Variants in SH2D3C observed in about 807,000 individuals in gnomAD.
The protein encoded by SH2D3C is SH2 domain containing 3C, also known as SH2 domain-containing protein 3C.
In SH2D3C, 25 loss-of-function variants were observed where a neutral mutation model predicts 75.2. The observed-to-expected ratio is 0.33, with a 90% CI of 0.24 to 0.46. The LOEUF (loss-of-function observed/expected upper bound fraction) is 0.46. Ranked by LOEUF, SH2D3C falls within the 20% of genes least tolerant of loss-of-function variation. The pLI, the probability that SH2D3C is intolerant of heterozygous loss-of-function variation, is 1.00. For synonymous variants in SH2D3C, 450 were observed against 473.7 expected (o/e 0.95, Z 0.65); for missense variants, 933 against 1,165.3 (o/e 0.80, Z 2.90).
In SH2D3C at chr9:127,751,657, G is replaced by A. The variant is rs749992967; in HGVS notation, c.556-357C>T. 1.3e-4 allele frequency among the ~76,000 whole-genome samples: 20 copies of A among 152,230 alleles called. No homozygotes were observed. The highest frequency in any genetic ancestry group is 2.4e-4 in the Non-Finnish European group (16 of 68,050). ...GCGCTGGACAGCGGCAAAGAGCCGG[G>A]TGGCTTTTACAAGCGGGATTAAGCC... On this transcript the variant is annotated intron_variant, in intron 3 of 11. Coordinates refer to ENST00000314830, the MANE Select transcript of SH2D3C (RefSeq NM_170600.3). This position sits in a 1 kb window ranked among gnomAD's most constrained non-coding sequence, Gnocchi z 4.1.
At position 127,741,095 on chromosome 9, in the gene SH2D3C, G is replaced by C. The variant is rs781153721; in HGVS notation, c.2088+693C>G. On this transcript the variant is annotated intron_variant, in intron 9 of 11. Coordinates refer to ENST00000314830, the MANE Select transcript of SH2D3C (RefSeq NM_170600.3). Reference sequence around the variant, plus strand: ...TATGACCTTAGGCAAGGACTGCTCTGTCTCAAACACTCCATTTGTAAAATG... The same window carrying C: ...TATGACCTTAGGCAAGGACTGCTCTCTCTCAAACACTCCATTTGTAAAATG... Among the ~76,000 whole-genome samples, 30 of 152,176 alleles carry C rather than the reference G, an allele frequency of 2.0e-4. 2 individuals are homozygous for C. Among genetic ancestry groups the C allele is most frequent in the Non-Finnish European group, 7.3e-5 (5 of 68,040 alleles).
rs900635760 is a variant in SH2D3C at position 127,762,111 on chromosome 9, G to A, written c.516-461C>T. On this transcript the variant is annotated intron_variant, in intron 2 of 11. Coordinates refer to ENST00000314830, the MANE Select transcript of SH2D3C (RefSeq NM_170600.3). ...GAGGGCCCCAAGTGGGGATCAGCCC[G>A]TCCTCTTACCCTGCACTCACTTCCT... 9.2e-5 allele frequency: 81 copies of A among 875,744 alleles called. No homozygotes were observed. The African/African-American group carries it at 1.4e-3, about 15-fold the overall frequency. 54.2% of individuals were successfully genotyped at this position (875,744 alleles called of 1,614,324 possible). A position where few individuals can be genotyped will look rare whatever the true frequency, so the allele number is the denominator to read the frequency against.
At chr9:127,762,416 T>C (rs1259902234) in intron 2 of SH2D3C, 8 of 844,272 alleles carry the variant, frequency 9.5e-6, no homozygotes, top group Non-Finnish European at 1.2e-5. Context: ...CCCTTGGATA[T>C]CTGAAGGCCA....
Position 127,778,663 on chromosome 9 carries a change from G to T in SH2D3C, c.-36C>A. The stretch of plus-strand genomic sequence containing the variant: ...TGTGTGAAGCCCTTGGCCAGCTTGC[G>T]AGTGGCCACTCAAGGCTCGGGACAT... On this transcript the variant is annotated 5_prime_UTR_variant, in exon 1 of 12. Transcript: ENST00000314830. The T allele has an allele frequency of 6.3e-7, 1 of 1,592,714 alleles. No individual in the cohort carries two copies. Among genetic ancestry groups the T allele is most frequent in the Non-Finnish European group, 8.6e-7 (1 of 1,160,618 alleles).
At position 127,762,488 on chromosome 9, in the gene SH2D3C, C is replaced by T. The variant is rs767822941; in HGVS notation, c.516-838G>A. On this transcript the variant is annotated intron_variant, in intron 2 of 11. Coordinates refer to ENST00000314830, the MANE Select transcript of SH2D3C (RefSeq NM_170600.3). ...CTCCCTGCCCCCTCCCCATCTTCCC[C>T]GTCTCAGCTGATGTCAGTTTCCTCT... The T allele has an allele frequency of 1.2e-5, 6 of 481,242 alleles. 1 individual carries two copies. Among genetic ancestry groups the T allele is most frequent in the East Asian group, 1.4e-4 (2 of 14,276 alleles). The allele number at this position is 481,242 out of a possible 1,614,324, so 29.8% of individuals were successfully genotyped here.
chr9:127,766,861 G>T, intron 2 of SH2D3C: 1 of 1,420,220 alleles, frequency 7.0e-7, no homozygotes, highest in Non-Finnish European at 9.5e-7. Context: ...TGAGCCCTGT[G>T]CCCAGCTTCT....
intron 2 of SH2D3C, among the ~76,000 whole-genome samples, chr9:127,772,124 G>A (rs1845748153): frequency 6.6e-6 from 1 of 152,006 alleles, no homozygotes; most frequent in Non-Finnish European, 1.5e-5. Context: ...ACAGCTCAGA[G>A]ACAGAGGCTG....
chr9:127,742,031 C>T (rs1844874225), intron 8 of SH2D3C, 72 bp from the exon 9 acceptor site: 2 of 1,453,848 alleles, frequency 1.4e-6, no homozygotes, highest in East Asian at 4.8e-5. Flanking sequence ...GGGGCGCTGC[C>T]TGTGGTTGGG....
Position 127,751,521 on chromosome 9 carries a change from CA to C in SH2D3C, c.556-222del. The stretch of plus-strand genomic sequence containing the variant: ...GCATTCCAGGCCCTGTGCTATATGC[CA>C]GGGGTGGATGCAGTGATATATAAAC... On this transcript the variant is annotated intron_variant, in intron 3 of 11. Coordinates refer to ENST00000314830, the MANE Select transcript of SH2D3C (RefSeq NM_170600.3). The surrounding 1 kb of genome is among the most constrained non-coding windows in gnomAD (Gnocchi z 4.1). Among the ~76,000 whole-genome samples the C allele has an allele frequency of 6.6e-6, 1 of 152,316 alleles. No homozygotes were observed.
intron 3 of SH2D3C, among the ~76,000 whole-genome samples, chr9:127,759,223 T>TA (rs1208094970): frequency 6.6e-6 from 1 of 152,206 alleles, no homozygotes; most frequent in Non-Finnish European, 1.5e-5. Context: ...GCTTTTTTTT[T>TA]AATCTCTTTT....
intron 6 of SH2D3C, 129 bp downstream of exon 6, chr9:127,747,017 TG>T (rs1045228835): frequency 1.2e-6 from 1 of 812,266 alleles, no homozygotes; most frequent in African/African-American, 1.7e-5. Context: ...AGGATTCCAG[TG>T]TCAGTTCTTT....
At chr9:127,777,958 A>C (rs1000138694) in intron 1 of SH2D3C, among the ~76,000 whole-genome samples, 1 of 152,064 alleles carries the variant, frequency 6.6e-6, no homozygotes, top group Non-Finnish European at 1.5e-5. Flanking sequence ...GTCTCTAAAA[A>C]AAAAAAAAAA....
In SH2D3C at chr9:127,771,053, GAA is replaced by G. The variant is rs2131808079; in HGVS notation, c.515+2935_515+2936del. The G allele has an allele frequency of 4.8e-6, 3 of 626,678 alleles. No individual in the cohort carries two copies. In the East Asian group the frequency reaches 9.8e-5, roughly 21 times the overall value. 38.8% of individuals were successfully genotyped at this position (626,678 alleles called of 1,614,324 possible). ...CTGCGGTGACAAAGTTACACCCAAA[GAA>G]AACTGGCTTAGAAAAGTCCCTGATG... On this transcript the variant is annotated intron_variant, in intron 2 of 11. Transcript: ENST00000314830.
Position 127,754,730 on chromosome 9 carries a change from C to T in SH2D3C, c.556-3430G>A, listed in dbSNP as rs1845309583. The stretch of plus-strand genomic sequence containing the variant: ...GGAGCCAGGGTGCCCAGGTCAGCCG[C>T]AAGGGCCAGCGTACCAGGCGGAGGA... On this transcript the variant is annotated intron_variant, in intron 3 of 11. Coordinates refer to ENST00000314830, the MANE Select transcript of SH2D3C (RefSeq NM_170600.3). The surrounding 1 kb of genome is among the most constrained non-coding windows in gnomAD (Gnocchi z 4.4). 2.3e-6 allele frequency: 1 copy of T among 435,508 alleles called. No homozygotes were observed. The highest frequency in any genetic ancestry group is 1.6e-5 in the South Asian group (1 of 60,898). The allele number at this position is 435,508 out of a possible 1,614,324, so 27.0% of individuals were successfully genotyped here.
Position 127,750,158 on chromosome 9 carries a change from G to GTTATTATTA in SH2D3C, c.685-502_685-494dup, listed in dbSNP as rs563771370. Among the ~76,000 whole-genome samples the GTTATTATTA allele has an allele frequency of 1.6e-4, 24 of 148,710 alleles. No individual in the cohort carries two copies. The East Asian group carries it at 3.3e-3, about 21-fold the overall frequency. On this transcript the variant is annotated intron_variant, in intron 4 of 11. Transcript: ENST00000314830. ...GAACTTCTTTATTATTATTATTATTGTTATTATTATTATTATTATTATTAA... is the reference window on the plus strand; with the variant it reads ...GAACTTCTTTATTATTATTATTATTGTTATTATTATTATTATTATTATTATTATTATTAA...
chr9:127,740,019 C>T (rs1403497055), intron 10 of SH2D3C, 131 bp from the exon 11 acceptor site: 10 of 918,234 alleles, frequency 1.1e-5, no homozygotes, highest in Admixed American at 5.8e-5. Context: ...GGGCTCCTGA[C>T]TCCTGGGACA....
intron 2 of SH2D3C, among the ~76,000 whole-genome samples, chr9:127,770,773 C>T (rs1274003768): frequency 6.6e-6 from 1 of 152,216 alleles, no homozygotes; most frequent in African/African-American, 2.4e-5. Flanking sequence ...AAGGCTTGGG[C>T]TGGGTCCTGG....
rs961843171 is a variant in SH2D3C at position 127,739,458 on chromosome 9, C to G, written c.2407+224G>C. ...TTGGGAGGCGGAGGTTGCAGTGAGC[C>G]GAGACTGTGCCACTGCACTCCAGCC... On this transcript the variant is annotated intron_variant, in intron 11 of 11. Transcript: ENST00000314830. This position sits in a 1 kb window ranked among gnomAD's most constrained non-coding sequence, Gnocchi z 4.3. Among the ~76,000 whole-genome samples, 2 of 151,568 alleles carry G rather than the reference C, an allele frequency of 1.3e-5. No homozygotes were observed. The highest frequency in any genetic ancestry group is 1.3e-4 in the Admixed American group (2 of 15,220).
chr9:127,760,133 CT>C (rs1247369943), intron 3 of SH2D3C, among the ~76,000 whole-genome samples: 1 of 151,726 alleles, frequency 6.6e-6, no homozygotes, highest in East Asian at 1.9e-4. Flanking sequence ...AGAGGTGGCT[CT>C]TAAAAAAATA....
Sources: gnomAD v4.1 joint callset for allele counts (sites outside exome capture counted in the v4.1 genomes callset) on GRCh38, gnomAD v4.1.1 for gene constraint, Gnocchi (gnomAD v3.1) non-coding constraint, MANE v1.5 for transcripts, NCBI Gene and HGNC (gene_info 2026-07-23, HGNC 2026-07-21) for gene names.